CDH19: variants seen among roughly 807,000 people sequenced by gnomAD.
CDH19 encodes the protein cadherin-19.
Under a neutral mutation model 64.2 loss-of-function variants are expected in CDH19, and 67 were observed. The ratio of observed to expected loss-of-function variants is 1.04; its 90% CI spans 0.86 to 1.28. The LOEUF is 1.28. Ranked by LOEUF, CDH19 falls within the 50% of genes most tolerant of loss-of-function variation. The pLI, the probability that CDH19 is intolerant of heterozygous loss-of-function variation, is 0.00. For missense variants in CDH19, 1,030 were observed against 929.0 expected, an observed-to-expected ratio of 1.11 and a Z score of -1.41; for synonymous variants, 346 against 319.3, an observed-to-expected ratio of 1.08 and a Z score of -0.89.
rs9946183 is a variant in CDH19, at chr18:66,534,126, C to A, written c.1336+860G>T. Among the ~76,000 whole-genome samples, 1,475 of 151,904 alleles carry A rather than the reference C, an allele frequency of 9.7e-3. 32 individuals are homozygous for A. The highest frequency in any genetic ancestry group is 0.033 in the African/African-American group (1,370 of 41,450). On this transcript the variant is annotated intron_variant, in intron 8 of 11. Coordinates refer to ENST00000262150, the MANE Select transcript of CDH19 (RefSeq NM_021153.4). ...AAAAAAAATTGTTCTCAGAAATACA[C>A]AATGAATAAAAGCTGCATTTAAAAT...
At chr18:66,589,259 TA>T (rs1568212162) in intron 1 of CDH19, among the ~76,000 whole-genome samples, 34 of 149,738 alleles carry the variant, frequency 2.3e-4, no homozygotes, top group Admixed American at 3.4e-4. Flanking sequence ...TACATATATA[TA>T]TATACACACA....
At chr18:66,533,669 G>C (rs1986543941) in intron 8 of CDH19, among the ~76,000 whole-genome samples, 1 of 151,844 alleles carries the variant, frequency 6.6e-6, no homozygotes, top group African/African-American at 2.4e-5. Context: ...AAATAGCATT[G>C]TGCTTAATTT....
chr18:66,516,120 G>C (rs1489733487), intron 9 of CDH19, among the ~76,000 whole-genome samples: 1 of 151,868 alleles, frequency 6.6e-6, no homozygotes, highest in African/African-American at 2.4e-5. Flanking sequence ...AGTGAGCAGG[G>C]GATACATCGT....
At chr18:66,522,473 C>A (rs1986039727) in intron 9 of CDH19, among the ~76,000 whole-genome samples, 1 of 151,898 alleles carries the variant, frequency 6.6e-6, no homozygotes, top group Non-Finnish European at 1.5e-5. Flanking sequence ...TGGTTTCGAA[C>A]CCCTGACCTC....
intron 3 of CDH19, among the ~76,000 whole-genome samples, chr18:66,564,605 G>A (rs988022270): frequency 3.3e-5 from 5 of 151,816 alleles, no homozygotes; most frequent in Non-Finnish European, 7.4e-5. Flanking sequence ...AAATTTTAAG[G>A]AAGTCAGATT....
At chr18:66,579,211 G>A (rs904917332) in intron 1 of CDH19, among the ~76,000 whole-genome samples, 4 of 151,856 alleles carry the variant, frequency 2.6e-5, no homozygotes, top group Admixed American at 2.0e-4. Context: ...ACAACTAACC[G>A]TGGAACAACA....
intron 1 of CDH19, among the ~76,000 whole-genome samples, chr18:66,581,694 T>C (rs892426157): frequency 1.3e-5 from 2 of 152,126 alleles, no homozygotes; most frequent in Non-Finnish European, 2.9e-5. Context: ...CTCAGGCTTT[T>C]GGCCACTGAA....
chr18:66,523,772 A>G (rs1184725759), intron 9 of CDH19, among the ~76,000 whole-genome samples: 1 of 152,004 alleles, frequency 6.6e-6, no homozygotes, highest in East Asian at 1.9e-4. Context: ...ACCATGCAGT[A>G]TGACAAAGGG....
chr18:66,507,614 TA>T (rs1395114246), intron 11 of CDH19, among the ~76,000 whole-genome samples: 1 of 151,874 alleles, frequency 6.6e-6, no homozygotes, highest in East Asian at 1.9e-4. Context: ...TATCTGCTTA[TA>T]AAAACAGTGA....
At position 66,501,366 on chromosome 18, in the gene CDH19, G is replaced by C. The variant is rs149840246; in HGVS notation, c.*3446C>G. The C allele has an allele frequency of 4.7e-4, 72 of 152,298 alleles. No individual in the cohort carries two copies. The highest frequency in any genetic ancestry group is 1.7e-3 in the African/African-American group (69 of 41,564). The allele number at this position is 152,298 out of a possible 1,614,324, so 9.4% of individuals were successfully genotyped here. On this transcript the variant is annotated 3_prime_UTR_variant, in exon 12 of 12. Transcript: ENST00000262150. The stretch of plus-strand genomic sequence containing the variant: ...TCTAATACAAAGCAAGACAAAGCCA[G>C]GGTCACTGGAAGCAGCAGTGGTCTT...
At chr18:66,553,830 T>G (rs1331681956) in intron 4 of CDH19, among the ~76,000 whole-genome samples, 1 of 134,562 alleles carries the variant, frequency 7.4e-6, no homozygotes, top group Non-Finnish European at 1.5e-5. Flanking sequence ...TTCAATTGAT[T>G]AATGCAGATT....
chr18:66,511,064 T>A (rs1985458457), intron 10 of CDH19, among the ~76,000 whole-genome samples: 1 of 151,796 alleles, frequency 6.6e-6, no homozygotes, highest in Non-Finnish European at 1.5e-5. Flanking sequence ...AAAAGTTCTT[T>A]GGAACACTTA....
At position 66,504,087 on chromosome 18, in the gene CDH19, T is replaced by G. The variant is rs1323546916; in HGVS notation, c.*725A>C. ...TCTCACATTAACCATTTAAAAAGGT[T>G]GAGCGTTTGCATTAGATGACATTGA... On this transcript the variant is annotated 3_prime_UTR_variant, in exon 12 of 12. Coordinates refer to ENST00000262150, the MANE Select transcript of CDH19 (RefSeq NM_021153.4). 1 of 151,956 alleles carries G rather than the reference T, an allele frequency of 6.6e-6. No individual in the cohort carries two copies. The highest frequency in any genetic ancestry group is 1.5e-5 in the Non-Finnish European group (1 of 67,912). 9.4% of individuals were successfully genotyped at this position (151,956 alleles called of 1,614,324 possible).
intron 7 of CDH19, among the ~76,000 whole-genome samples, chr18:66,536,797 G>A (rs1260022479): frequency 2.6e-5 from 4 of 151,624 alleles, no homozygotes; most frequent in South Asian, 4.2e-4. Context: ...AAATTTGTTT[G>A]GCTTTGAGGT....
intron 7 of CDH19, 140 bp downstream of exon 7, chr18:66,543,831 T>C (rs539220): frequency 0.19 from 117,151 of 612,812 alleles, 15,968 homozygotes; most frequent in African/African-American, 0.55. Flanking sequence ...GGCAATGAGC[T>C]GAGATTGCGC....
chr18:66,565,998 G>A (rs959973900), intron 3 of CDH19, among the ~76,000 whole-genome samples: 1 of 151,896 alleles, frequency 6.6e-6, no homozygotes, highest in Non-Finnish European at 1.5e-5. Flanking sequence ...GCTAGATATT[G>A]CACAGACCAA....
chr18:66,520,431 C>G (rs1212109113), intron 9 of CDH19, among the ~76,000 whole-genome samples: 1 of 147,608 alleles, frequency 6.8e-6, no homozygotes, highest in African/African-American at 2.5e-5. Context: ...AAAAAGTTAC[C>G]AATTATTTTT....
Position 66,595,373 on chromosome 18 carries a change from T to C in CDH19, c.-113+8581A>G, listed in dbSNP as rs909877149. ...GAAATGGAGACATGAAAAACACACA[T>C]AACATCAACAAAACCAAAGTTGTTC... On this transcript the variant is annotated intron_variant, in intron 1 of 11. Transcript: ENST00000262150. 2.7e-5 allele frequency among the ~76,000 whole-genome samples: 4 copies of C among 149,302 alleles called. No homozygotes were observed. The South Asian group carries it at 8.5e-4, about 32-fold the overall frequency.
intron 3 of CDH19, among the ~76,000 whole-genome samples, chr18:66,563,934 G>C (rs1315352011): frequency 4.7e-5 from 5 of 107,262 alleles, no homozygotes; most frequent in African/African-American, 1.0e-4. Flanking sequence ...AAATTAGACT[G>C]TGTTTAATAA....
Sources: allele counts gnomAD v4.1 joint callset (sites outside exome capture counted in the v4.1 genomes callset), GRCh38; gene constraint gnomAD v4.1.1; transcripts MANE v1.5; gene names NCBI Gene and HGNC (gene_info 2026-07-23, HGNC 2026-07-21).